PTPRD: variants seen among roughly 807,000 people sequenced by gnomAD.
The protein encoded by PTPRD is receptor-type tyrosine-protein phosphatase delta.
Under a neutral mutation model 214.5 loss-of-function variants are expected in PTPRD, and 34 were observed. The ratio of observed to expected loss-of-function variants is 0.16; its 90% confidence interval spans 0.12 to 0.21. The LOEUF (loss-of-function observed/expected upper bound fraction) is 0.21, where lower values mean the gene tolerates loss of function less well. Ranked by LOEUF, PTPRD falls within the 10% of genes least tolerant of loss-of-function variation. PTPRD has a pLI of 1.00. For missense variants in PTPRD, 2,545 were observed against 2,398.7 expected (o/e 1.06, Z -1.27); for synonymous variants, 1,128 against 845.7 (o/e 1.33, Z -5.79).
At chr9:10,482,167 T>G (rs2224582) in intron 2 of PTPRD, among the ~76,000 whole-genome samples, 3,156 of 151,720 alleles carry the variant, frequency 0.021, 107 homozygotes, top group African/African-American at 0.066. Flanking sequence ...GTCAGGAGAT[T>G]GAGACCAGCC....
chr9:9,263,484 C>T (rs1351965264), intron 9 of PTPRD, among the ~76,000 whole-genome samples: 1 of 151,634 alleles, frequency 6.6e-6, no homozygotes, highest in African/African-American at 2.4e-5. Context: ...ATATTCCATT[C>T]CTGAATTACA....
intron 7 of PTPRD, among the ~76,000 whole-genome samples, chr9:9,707,313 G>A (rs1485889106): frequency 6.6e-6 from 1 of 152,134 alleles, no homozygotes; most frequent in East Asian, 1.9e-4. Context: ...TGGGGCCTTA[G>A]AGATCACAGT....
intron 11 of PTPRD, among the ~76,000 whole-genome samples, chr9:8,837,225 G>T (rs142449106): frequency 6.6e-6 from 1 of 151,874 alleles, no homozygotes; most frequent in Non-Finnish European, 1.5e-5. Context: ...ATGTTGCCTA[G>T]GCTGGTCTCA....
intron 2 of PTPRD, among the ~76,000 whole-genome samples, chr9:10,378,674 T>A: frequency 6.6e-6 from 1 of 152,022 alleles, no homozygotes; most frequent in Non-Finnish European, 1.5e-5. Context: ...CATTGGTCTA[T>A]GTGTCTGTTT....
At chr9:9,617,863 G>C (rs2094978360) in intron 7 of PTPRD, among the ~76,000 whole-genome samples, 1 of 151,632 alleles carries the variant, frequency 6.6e-6, no homozygotes, top group South Asian at 2.1e-4. Context: ...ACGAGGTCAG[G>C]AGATCGAGAC....
intron 4 of PTPRD, among the ~76,000 whole-genome samples, chr9:10,019,172 A>G (rs1436385528): frequency 6.6e-6 from 1 of 152,202 alleles, no homozygotes; most frequent in South Asian, 2.1e-4. Context: ...AGACACATGA[A>G]AAAATGCTCA....
rs567319782 is a variant in PTPRD at position 10,229,999 on chromosome 9, G to A, written c.-545+110964C>T. 1.2e-4 allele frequency among the ~76,000 whole-genome samples: 18 copies of A among 152,018 alleles called. No homozygotes were observed. In the South Asian group the frequency reaches 2.1e-3, roughly 17 times the overall value. On this transcript the variant is annotated intron_variant, in intron 3 of 45. Transcript: ENST00000381196. Reference sequence around the variant, plus strand: ...TATTTTGGGATGGCAAACTGTTGTGGGCATGTGTAGCACATTTCAATTCTC... The same window carrying A: ...TATTTTGGGATGGCAAACTGTTGTGAGCATGTGTAGCACATTTCAATTCTC...
At chr9:9,242,683 C>T (rs908574726) in intron 9 of PTPRD, among the ~76,000 whole-genome samples, 4 of 152,278 alleles carry the variant, frequency 2.6e-5, no homozygotes, top group East Asian at 3.9e-4. Flanking sequence ...CCATGGTTTT[C>T]AGCTCCATCA....
At chr9:10,116,963 C>T (rs2098735343) in intron 3 of PTPRD, among the ~76,000 whole-genome samples, 2 of 152,112 alleles carry the variant, frequency 1.3e-5, no homozygotes, top group South Asian at 4.1e-4. Flanking sequence ...TAGATCTATG[C>T]TAAGTATTTT....
chr9:10,180,520 T>A (rs291291), intron 3 of PTPRD, among the ~76,000 whole-genome samples: 48,327 of 150,940 alleles, frequency 0.32, 9,685 homozygotes, highest in Middle Eastern at 0.46. Context: ...GTCCATCTAA[T>A]TTTCCAGAAA....
intron 7 of PTPRD, among the ~76,000 whole-genome samples, chr9:9,696,027 C>A (rs1595456535): frequency 6.6e-6 from 1 of 151,996 alleles, no homozygotes; most frequent in African/African-American, 2.4e-5. Context: ...GTCCTGGGCT[C>A]TTTTTTGATG....
chr9:10,032,843 A>AT (rs148397787), intron 4 of PTPRD, among the ~76,000 whole-genome samples: 6 of 151,882 alleles, frequency 4.0e-5, no homozygotes, highest in South Asian at 2.1e-4. Context: ...TGCAATTTAT[A>AT]TTTTTTTACT....
intron 2 of PTPRD, among the ~76,000 whole-genome samples, chr9:10,441,350 A>C (rs1426597112): frequency 6.6e-6 from 1 of 151,690 alleles, no homozygotes. Context: ...TTTCCTATGT[A>C]TCAGGCAGTA....
chr9:8,934,437 ATATATATAT>A (rs1257187300), intron 11 of PTPRD, among the ~76,000 whole-genome samples: 5 of 35,440 alleles, frequency 1.4e-4, no homozygotes, highest in African/African-American at 5.1e-4. Context: ...ATATATATAA[ATATATATAT>A]AAATTTATAT....
chr9:9,609,099 T>C (rs1340719934), intron 7 of PTPRD, among the ~76,000 whole-genome samples: 1 of 152,142 alleles, frequency 6.6e-6, no homozygotes, highest in Non-Finnish European at 1.5e-5. Context: ...AGTGAAGAAA[T>C]TGGACTTACA....
At chr9:9,384,545 A>G (rs1371137133) in intron 9 of PTPRD, among the ~76,000 whole-genome samples, 1 of 151,372 alleles carries the variant, frequency 6.6e-6, no homozygotes, top group African/African-American at 2.4e-5. Flanking sequence ...TGTTCCTTTC[A>G]TGGTCTTGGC....
At chr9:9,933,074 G>A (rs1470074040) in intron 5 of PTPRD, among the ~76,000 whole-genome samples, 1 of 151,988 alleles carries the variant, frequency 6.6e-6, no homozygotes, top group Non-Finnish European at 1.5e-5. Context: ...GCTCCTGAAG[G>A]AAGCGCTAAA....
chr9:9,663,197 G>C (rs1025779699), intron 7 of PTPRD, among the ~76,000 whole-genome samples: 7 of 151,180 alleles, frequency 4.6e-5, no homozygotes, highest in East Asian at 3.9e-4. Flanking sequence ...TTATCTCATA[G>C]GTCTTTTAAT....
chr9:8,913,174 T>G (rs1017470833), intron 11 of PTPRD, among the ~76,000 whole-genome samples: 1 of 152,098 alleles, frequency 6.6e-6, no homozygotes, highest in Non-Finnish European at 1.5e-5. Flanking sequence ...ACCTGGCACA[T>G]GTAGTAAACT....
Sources: allele counts gnomAD v4.1 joint callset (sites outside exome capture counted in the v4.1 genomes callset), GRCh38; gene constraint gnomAD v4.1.1; transcripts MANE v1.5; gene names NCBI Gene and HGNC (gene_info 2026-07-23, HGNC 2026-07-21).